IGF2BP3: variants seen among roughly 807,000 people sequenced by gnomAD.
IGF2BP3 encodes insulin-like growth factor 2 mRNA-binding protein 3.
In IGF2BP3, 9 loss-of-function variants were observed where a neutral mutation model predicts 73.8. The observed-to-expected ratio is 0.12, with a 90% confidence interval of 0.07 to 0.21. IGF2BP3 has a LOEUF of 0.21. Ranked by LOEUF, IGF2BP3 falls within the 10% of genes least tolerant of loss-of-function variation. The pLI, the probability that IGF2BP3 is intolerant of heterozygous loss-of-function variation, is 1.00. For missense variants in IGF2BP3, 542 were observed against 714.0 expected (o/e 0.76, Z 2.75); for synonymous variants, 258 against 256.7 (o/e 1.01, Z -0.05).
intron 10 of IGF2BP3, among the ~76,000 whole-genome samples, chr7:23,336,631 C>T (rs1264997497): frequency 6.6e-6 from 1 of 152,024 alleles, no homozygotes; most frequent in African/African-American, 2.4e-5. Flanking sequence ...GTTATCATTG[C>T]TTCTTTTTGG....
At chr7:23,402,884 T>C (rs1246343451) in intron 3 of IGF2BP3, among the ~76,000 whole-genome samples, 1 of 152,220 alleles carries the variant, frequency 6.6e-6, no homozygotes, top group Non-Finnish European at 1.5e-5. Flanking sequence ...TGGAGAAAGC[T>C]TCACCCCTTA....
chr7:23,341,073 C>CTCCT (rs1259884507), intron 10 of IGF2BP3, among the ~76,000 whole-genome samples: 1 of 152,056 alleles, frequency 6.6e-6, no homozygotes, highest in Admixed American at 6.6e-5. Flanking sequence ...TGGTCTTGAA[C>CTCCT]TCCTGACCTC....
chr7:23,313,207 C>T (rs1439849667), intron 13 of IGF2BP3, among the ~76,000 whole-genome samples: 2 of 152,126 alleles, frequency 1.3e-5, no homozygotes, highest in African/African-American at 4.8e-5. Context: ...ATGTAACAAG[C>T]TGTAGATGAA....
chr7:23,423,977 G>C (rs1787426155), intron 2 of IGF2BP3, among the ~76,000 whole-genome samples: 1 of 152,060 alleles, frequency 6.6e-6, no homozygotes, highest in Non-Finnish European at 1.5e-5. Context: ...AATTAGCTGG[G>C]CATGGTGGTA....
intron 9 of IGF2BP3, among the ~76,000 whole-genome samples, 162 bp from the exon 10 acceptor site, chr7:23,342,351 C>T (rs984818475): frequency 2.0e-5 from 3 of 152,170 alleles, no homozygotes; most frequent in Admixed American, 1.3e-4. Context: ...ACATCGTTTA[C>T]ATCTGTTTAT....
chr7:23,384,760 G>A (rs956650576), intron 3 of IGF2BP3, among the ~76,000 whole-genome samples: 3 of 152,124 alleles, frequency 2.0e-5, no homozygotes, highest in African/African-American at 7.2e-5. Flanking sequence ...GTGTGGTGGT[G>A]CGTGCCTGTG....
chr7:23,444,613 A>G (rs11773741), intron 2 of IGF2BP3, among the ~76,000 whole-genome samples: 59,344 of 151,454 alleles, frequency 0.39, 12,219 homozygotes, highest in African/African-American at 0.5. Flanking sequence ...CATGGTGGTA[A>G]GTGCTGGTAA....
At chr7:23,337,093 C>T (rs1246949301) in intron 10 of IGF2BP3, among the ~76,000 whole-genome samples, 1 of 152,174 alleles carries the variant, frequency 6.6e-6, no homozygotes, top group Non-Finnish European at 1.5e-5. Flanking sequence ...TTAGTGATTT[C>T]GGTTTAGAAA....
At chr7:23,358,116 A>G (rs1221403115) in intron 5 of IGF2BP3, among the ~76,000 whole-genome samples, 3 of 152,260 alleles carry the variant, frequency 2.0e-5, no homozygotes, top group African/African-American at 7.2e-5. Flanking sequence ...CAGTAGCCTC[A>G]TTAGCTAAAG....
At chr7:23,377,043 T>C (rs1016904029) in intron 3 of IGF2BP3, among the ~76,000 whole-genome samples, 1 of 151,840 alleles carries the variant, frequency 6.6e-6, no homozygotes, top group East Asian at 1.9e-4. Context: ...CAGTTACACA[T>C]AGAACAGAAA....
At chr7:23,368,485 A>G (rs1651963895) in intron 3 of IGF2BP3, among the ~76,000 whole-genome samples, 2 of 152,242 alleles carry the variant, frequency 1.3e-5, no homozygotes, top group African/African-American at 4.8e-5. Flanking sequence ...TACGATAGAC[A>G]GAAAGTAGAT....
rs34563888 is a variant in IGF2BP3, at chr7:23,460,201, A to AAAAAAAC, written c.236+8280_236+8281insGTTTTTT. On this transcript the variant is annotated intron_variant, in intron 2 of 14. Transcript: ENST00000258729. ...CTCAAAAAAAAAAAAAAAAAACAAA[A>AAAAAAAC]ACGAAAGTGAGCTCACACTCACCAG... is the stretch of plus-strand genomic sequence containing the variant. Among the ~76,000 whole-genome samples, 142 of 146,998 alleles carry AAAAAAAC rather than the reference A, an allele frequency of 9.7e-4. 1 individual carries two copies. Among genetic ancestry groups the AAAAAAAC allele is most frequent in the Non-Finnish European group, 1.7e-3 (113 of 66,280 alleles).
chr7:23,322,572 G>A (rs1376646718), intron 10 of IGF2BP3, among the ~76,000 whole-genome samples: 4 of 152,012 alleles, frequency 2.6e-5, no homozygotes, highest in Non-Finnish European at 5.9e-5. Flanking sequence ...TACAGAAAAC[G>A]CCACAAAGAT....
intron 5 of IGF2BP3, among the ~76,000 whole-genome samples, chr7:23,358,740 A>G (rs549893829): frequency 6.6e-6 from 1 of 152,314 alleles, no homozygotes; most frequent in East Asian, 1.9e-4. Context: ...TTAAAAGCTT[A>G]TTAGAAAACT....
At chr7:23,357,605 T>C (rs998716870) in intron 5 of IGF2BP3, among the ~76,000 whole-genome samples, 1 of 152,190 alleles carries the variant, frequency 6.6e-6, no homozygotes, top group East Asian at 1.9e-4. Context: ...AGGAAATAGG[T>C]GAGCCTCTCT....
chr7:23,379,490 G>A (rs2128516161), intron 3 of IGF2BP3, among the ~76,000 whole-genome samples: 1 of 152,226 alleles, frequency 6.6e-6, no homozygotes, highest in East Asian at 1.9e-4. Flanking sequence ...GAATGAACTG[G>A]GACTAGAAGC....
chr7:23,360,311 C>T (rs183387613), intron 5 of IGF2BP3, among the ~76,000 whole-genome samples: 6 of 152,180 alleles, frequency 3.9e-5, no homozygotes, highest in African/African-American at 9.6e-5. Context: ...ATCCAAACTG[C>T]GATTAATCAA....
At position 23,312,767 on chromosome 7, in the gene IGF2BP3, C is replaced by T; in HGVS notation, c.1609G>A (p.Val537Ile). Residue 537 changes from valine to isoleucine, a missense_variant, in exon 14 of 15, where the codon GTC becomes ATC. By Grantham distance (29) the Val-to-Ile change is conservative (BLOSUM62 3). Transcript: ENST00000258729. ...QTPDENDQVV[V>I]KITGHFYACQ... ...GCATAGAAGTGACCAGTTATTTTGACAACCACTTGGTCATTCTCATCAGGT... is the reference window on the plus strand; with the variant it reads ...GCATAGAAGTGACCAGTTATTTTGATAACCACTTGGTCATTCTCATCAGGT... 2.5e-6 allele frequency: 4 copies of T among 1,611,580 alleles called. No individual in the cohort carries two copies. Among genetic ancestry groups the T allele is most frequent in the Non-Finnish European group, 3.4e-6 (4 of 1,179,236 alleles).
At chr7:23,377,480 G>A (rs1472719242) in intron 3 of IGF2BP3, among the ~76,000 whole-genome samples, 1 of 152,180 alleles carries the variant, frequency 6.6e-6, no homozygotes, top group Non-Finnish European at 1.5e-5. Flanking sequence ...AATAACAAGT[G>A]TTTAGGCAAA....
Sources: allele counts gnomAD v4.1 joint callset (sites outside exome capture counted in the v4.1 genomes callset), GRCh38; gene constraint gnomAD v4.1.1; transcripts MANE v1.5; gene names NCBI Gene and HGNC (gene_info 2026-07-23, HGNC 2026-07-21).